The following ACO2 variants were observed in gnomAD, a reference collection of about 807,000 sequenced individuals.
The protein encoded by ACO2 is aconitate hydratase, mitochondrial.
In ACO2, 31 loss-of-function variants were observed where a neutral mutation model predicts 84.5. The ratio of observed to expected loss-of-function variants is 0.37; its 90% CI spans 0.28 to 0.50. The LOEUF (loss-of-function observed/expected upper bound fraction) is 0.50. Ranked by LOEUF, ACO2 falls within the 20% of genes least tolerant of loss-of-function variation. The probability of loss-of-function intolerance (pLI) is 0.97; values close to 1 mark genes in which losing one functional copy is unlikely to be tolerated. For synonymous variants in ACO2, 414 were observed against 412.7 expected, an observed-to-expected ratio of 1.00 and a Z score of -0.04; for missense variants, 685 against 1,029.3, an observed-to-expected ratio of 0.67 and a Z score of 4.58.
At chr22:41,493,127 C>T (rs1480489937) in intron 1 of ACO2, among the ~76,000 whole-genome samples, 1 of 152,132 alleles carries the variant, frequency 6.6e-6, no homozygotes, top group Non-Finnish European at 1.5e-5. Context: ...AACCGACTCG[C>T]ATGACAACTA....
chr22:41,524,587 A>G (rs1432481332), intron 12 of ACO2, among the ~76,000 whole-genome samples: 1 of 152,156 alleles, frequency 6.6e-6, no homozygotes, highest in Non-Finnish European at 1.5e-5. Context: ...CTGTGAGGAG[A>G]GAGAACAGCA....
In ACO2 at chr22:41,520,173, G is replaced by T; in HGVS notation, c.1035G>T (p.Leu345=). 6.2e-7 allele frequency: 1 copy of T among 1,612,246 alleles called. No homozygotes were observed. The highest frequency in any genetic ancestry group is 8.5e-7 in the Non-Finnish European group (1 of 1,178,646). The part of the protein sequence containing the change: ...DQLIEINLSE[L]KPHINGPFTP... ...TCCTTGCATGTTTGTTTCTTCAGCT[G>T]AAGCCACACATCAATGGGCCCTTCA... is the stretch of plus-strand genomic sequence containing the variant. The change falls in exon 9 of 18, where the codon CTG becomes CTT. Residue 345 remains leucine (L), a splice_region_variant and synonymous_variant. Coordinates refer to ENST00000216254, the MANE Select transcript of ACO2 (RefSeq NM_001098.3).
chr22:41,526,640 C>G, intron 15 of ACO2, 187 bp downstream of exon 15: 4 of 567,192 alleles, frequency 7.1e-6, no homozygotes, highest in Non-Finnish European at 1.2e-5. Flanking sequence ...AGGCCCAGGT[C>G]CGGTGGTACA....
chr22:41,480,769 G>A (rs1326613536), intron 1 of ACO2, among the ~76,000 whole-genome samples: 2 of 152,130 alleles, frequency 1.3e-5, no homozygotes, highest in Non-Finnish European at 2.9e-5. Flanking sequence ...CTTTTCCTCT[G>A]TATTTACAAG....
At chr22:41,506,070 CTTTT>C (rs1367897592) in intron 2 of ACO2, among the ~76,000 whole-genome samples, 1 of 151,232 alleles carries the variant, frequency 6.6e-6, no homozygotes. Flanking sequence ...CAGGTTTGGG[CTTTT>C]TTGTTTTTTT....
rs2146159437 is a variant in ACO2, at chr22:41,528,672, T to C, written c.*59T>C. ...AGTTCAGCTCCACGTGTGCCATCAG[T>C]GGATCCGATCCGTCCAGCCATGGCT... On this transcript the variant is annotated 3_prime_UTR_variant, in exon 18 of 18. Transcript: ENST00000216254. 5 of 1,593,322 alleles carry C rather than the reference T, an allele frequency of 3.1e-6. No homozygotes were observed. The highest frequency in any genetic ancestry group is 3.4e-6 in the Non-Finnish European group (4 of 1,172,852).
At chr22:41,470,507 C>A (rs1234160680) in intron 1 of ACO2, among the ~76,000 whole-genome samples, 1 of 147,498 alleles carries the variant, frequency 6.8e-6, no homozygotes, top group Non-Finnish European at 1.5e-5. Flanking sequence ...AAAGGATTTG[C>A]ACCTAATTAT....
chr22:41,473,206 T>C (rs2037966718), intron 1 of ACO2, among the ~76,000 whole-genome samples: 1 of 152,168 alleles, frequency 6.6e-6, no homozygotes, highest in Admixed American at 6.5e-5. Flanking sequence ...TGCTTCACAG[T>C]GTTCTTTGAA....
At chr22:41,492,270 A>G (rs2066277044) in intron 1 of ACO2, among the ~76,000 whole-genome samples, 1 of 152,254 alleles carries the variant, frequency 6.6e-6, no homozygotes, top group South Asian at 2.1e-4. Flanking sequence ...TATGTGGTCC[A>G]TGAATGAATG....
At chr22:41,489,897 T>G (rs2066259684) in intron 1 of ACO2, among the ~76,000 whole-genome samples, 1 of 152,226 alleles carries the variant, frequency 6.6e-6, no homozygotes, top group South Asian at 2.1e-4. Context: ...CCAAAACGCT[T>G]TTGATTATTG....
At chr22:41,472,285 G>A (rs749885887) in intron 1 of ACO2, among the ~76,000 whole-genome samples, 1 of 151,804 alleles carries the variant, frequency 6.6e-6, no homozygotes, top group Non-Finnish European at 1.5e-5. Flanking sequence ...CCCAGGAGGC[G>A]GAAGTTGCAG....
chr22:41,527,681 T>C (rs1262048798), intron 16 of ACO2: 2 of 802,022 alleles, frequency 2.5e-6, no homozygotes, highest in Admixed American at 2.9e-5. Flanking sequence ...TTTCTGATCA[T>C]GAATGTGCAG....
rs886729439 is a variant in ACO2, at chr22:41,507,815, G to A, written c.198G>A (p.Ser66=). Residue 66 remains serine (S), a synonymous_variant, in exon 3 of 18, where the codon TCG becomes TCA. Transcript: ENST00000216254. The stretch of plus-strand genomic sequence containing the variant: ...GACTGAACCGGCCGCTGACACTCTC[G>A]GAGAAGATTGTGTATGGACACCTGG... The part of the protein sequence containing the change: ...RKRLNRPLTL[S]EKIVYGHLDD... 2.0e-5 allele frequency: 33 copies of A among 1,613,984 alleles called. No individual in the cohort carries two copies. Among genetic ancestry groups the A allele is most frequent in the African/African-American group, 1.3e-4 (10 of 74,930 alleles).
chr22:41,478,180 G>A, intron 1 of ACO2, among the ~76,000 whole-genome samples: 1 of 152,092 alleles, frequency 6.6e-6, no homozygotes, highest in East Asian at 1.9e-4. Flanking sequence ...GTCTCGCTCT[G>A]TTGCTCAGTC....
intron 2 of ACO2, among the ~76,000 whole-genome samples, chr22:41,504,770 C>T (rs2066381002): frequency 7.8e-6 from 1 of 128,242 alleles, no homozygotes; most frequent in Non-Finnish European, 1.6e-5. Flanking sequence ...GTTACCCAGG[C>T]TGGAGTGCAG....
chr22:41,513,498 G>A lies in ACO2; in HGVS notation c.525+1530G>A, dbSNP rs182038955. Among the ~76,000 whole-genome samples the A allele has an allele frequency of 5.9e-5, 9 of 152,286 alleles. No individual in the cohort carries two copies. The East Asian group carries it at 1.5e-3, about 26-fold the overall frequency. Reference sequence around the variant, plus strand: ...GAAGTGCCCTGGCCCCACTTGGCCCGCAGACCTTCCTCCACATCACAGCTT... The same window carrying A: ...GAAGTGCCCTGGCCCCACTTGGCCCACAGACCTTCCTCCACATCACAGCTT... On this transcript the variant is annotated intron_variant, in intron 4 of 17. Transcript: ENST00000216254.
At chr22:41,524,081 A>C (rs999228835) in intron 12 of ACO2, 140 bp downstream of exon 12, 1 of 696,548 alleles carries the variant, frequency 1.4e-6, no homozygotes. Flanking sequence ...CCTCAGGCGC[A>C]TGCTTGGTGC....
At position 41,524,828 on chromosome 22, in the gene ACO2, T is replaced by C; in HGVS notation, c.1483-18T>C. 2 of 1,614,070 alleles carry C rather than the reference T, an allele frequency of 1.2e-6. No individual in the cohort carries two copies. The highest frequency in any genetic ancestry group is 1.7e-5 in the Admixed American group (1 of 60,020). ...TGGCAATTGGTGCTGACCAACAAACTGGCCACCTCCATTTCAGATTGTCAC... is the reference window on the plus strand; with the variant it reads ...TGGCAATTGGTGCTGACCAACAAACCGGCCACCTCCATTTCAGATTGTCAC... On this transcript the variant is annotated intron_variant, in intron 12 of 17. Transcript: ENST00000216254.
At chr22:41,486,896 T>C (rs1475917447) in intron 1 of ACO2, among the ~76,000 whole-genome samples, 1 of 151,068 alleles carries the variant, frequency 6.6e-6, no homozygotes, top group Non-Finnish European at 1.5e-5. Context: ...TTTTGTTTTC[T>C]TTTTTTTGAG....
Sources: gnomAD v4.1 joint callset for allele counts (sites outside exome capture counted in the v4.1 genomes callset) on GRCh38, gnomAD v4.1.1 for gene constraint, MANE v1.5 for transcripts, NCBI Gene and HGNC (gene_info 2026-07-23, HGNC 2026-07-21) for gene names.